The following DDX10 variants were observed in gnomAD, a reference collection of about 807,000 sequenced individuals.
DDX10 encodes probable ATP-dependent RNA helicase DDX10.
DDX10 carries 74 observed loss-of-function variants against 104.3 expected under a neutral mutation model. The ratio of observed to expected loss-of-function variants is 0.71; its 90% confidence interval spans 0.59 to 0.86. The LOEUF (loss-of-function observed/expected upper bound fraction) is 0.86. Ranked by LOEUF, DDX10 falls within the 40% of genes least tolerant of loss-of-function variation. The pLI is 0.00. For missense variants in DDX10, 952 were observed against 1,040.0 expected (o/e 0.92, Z 1.16); for synonymous variants, 351 against 353.4 (o/e 0.99, Z 0.08).
At chr11:108,673,285 G>A (rs547942322) in intron 1 of DDX10, among the ~76,000 whole-genome samples, 182 bp from the exon 2 acceptor site, 1 of 152,154 alleles carries the variant, frequency 6.6e-6, no homozygotes, top group Admixed American at 6.5e-5. Flanking sequence ...ATGTATATTC[G>A]ATTCAGGGAC....
At chr11:108,739,540 T>C (rs545198225) in intron 13 of DDX10, among the ~76,000 whole-genome samples, 2 of 152,358 alleles carry the variant, frequency 1.3e-5, no homozygotes, top group Non-Finnish European at 2.9e-5. Context: ...CAGGTTTGCC[T>C]GTCATTATAA....
At chr11:108,870,811 T>G (rs1458748411) in intron 16 of DDX10, among the ~76,000 whole-genome samples, 1 of 152,228 alleles carries the variant, frequency 6.6e-6, no homozygotes, top group African/African-American at 2.4e-5. Flanking sequence ...GACTTTGTTC[T>G]GTTCACTGCT....
chr11:108,696,994 A>G (rs961427917), intron 9 of DDX10, among the ~76,000 whole-genome samples: 36 of 152,194 alleles, frequency 2.4e-4, no homozygotes, highest in African/African-American at 8.7e-4. Flanking sequence ...CGTGGTGAAC[A>G]TTAAATTGGG....
intron 16 of DDX10, among the ~76,000 whole-genome samples, chr11:108,912,432 C>T (rs1863692738): frequency 6.6e-6 from 1 of 152,158 alleles, no homozygotes; most frequent in Non-Finnish European, 1.5e-5. Flanking sequence ...CCACTTCCTT[C>T]ATTAATTATT....
intron 16 of DDX10, among the ~76,000 whole-genome samples, chr11:108,882,644 A>G (rs1233279540): frequency 6.6e-6 from 1 of 152,222 alleles, no homozygotes; most frequent in Non-Finnish European, 1.5e-5. Flanking sequence ...ATATGTAAAT[A>G]GAGAGTCAAA....
intron 1 of DDX10, among the ~76,000 whole-genome samples, chr11:108,666,053 C>T (rs1271374282): frequency 6.6e-6 from 1 of 152,184 alleles, no homozygotes; most frequent in Non-Finnish European, 1.5e-5. Context: ...GACTTCTTCC[C>T]CCAACCTCCA....
intron 13 of DDX10, among the ~76,000 whole-genome samples, chr11:108,746,805 A>G (rs1403455183): frequency 6.6e-6 from 1 of 152,138 alleles, no homozygotes; most frequent in Non-Finnish European, 1.5e-5. Flanking sequence ...GATGATCAAT[A>G]AGGGCCTTAT....
At chr11:108,863,899 T>A (rs1862972841) in intron 16 of DDX10, among the ~76,000 whole-genome samples, 2 of 151,260 alleles carry the variant, frequency 1.3e-5, no homozygotes, top group Admixed American at 1.3e-4. Context: ...CATTCAGCCT[T>A]TATCATTTAC....
In DDX10 at chr11:108,911,624, G is replaced by C. The variant is rs567632890; in HGVS notation, c.2305-6249G>C. On this transcript the variant is annotated intron_variant, in intron 16 of 17. Coordinates refer to ENST00000322536, the MANE Select transcript of DDX10 (RefSeq NM_004398.4). ...TAGCTCTATCACCCACTGGCGTGCA[G>C]TGGCATGATCTTGGCTCACTGCAGC... Among the ~76,000 whole-genome samples, 10 of 123,510 alleles carry C rather than the reference G, an allele frequency of 8.1e-5. No homozygotes were observed. The South Asian group carries it at 2.8e-3, about 34-fold the overall frequency. 81.0% of individuals were successfully genotyped at this position (123,510 alleles called of 152,430 possible). A position where few individuals can be genotyped will look rare whatever the true frequency, so the allele number is the denominator to read the frequency against.
At chr11:108,755,888 A>C (rs1232165639) in intron 13 of DDX10, among the ~76,000 whole-genome samples, 1 of 152,000 alleles carries the variant, frequency 6.6e-6, no homozygotes, top group Non-Finnish European at 1.5e-5. Context: ...TTAATGCATA[A>C]CAGATGCTCA....
chr11:108,927,635 CT>C (rs147115643), intron 17 of DDX10, among the ~76,000 whole-genome samples: 3,803 of 146,504 alleles, frequency 0.026, 166 homozygotes, highest in African/African-American at 0.09. Flanking sequence ...GCACTTGGAA[CT>C]TTTTTTTTTT....
At chr11:108,920,942 ACCC>A (rs1863817516) in intron 17 of DDX10, 1 of 152,126 alleles carries the variant, frequency 6.6e-6, no homozygotes, top group South Asian at 2.1e-4. Flanking sequence ...ACTGGATTAG[ACCC>A]CAGATGGCAG....
At chr11:108,677,008 G>C in intron 3 of DDX10, 77 bp from the exon 4 acceptor site, 1 of 1,378,624 alleles carries the variant, frequency 7.3e-7, no homozygotes, top group Non-Finnish European at 9.9e-7. Context: ...CTTTGATTTG[G>C]AGGGGCAAGG....
At chr11:108,755,438 A>C (rs998552923) in intron 13 of DDX10, among the ~76,000 whole-genome samples, 2 of 152,016 alleles carry the variant, frequency 1.3e-5, no homozygotes, top group African/African-American at 4.8e-5. Flanking sequence ...CTGTGTTGTA[A>C]ATAAAGTTTT....
At chr11:108,803,786 G>A (rs1473294341) in intron 13 of DDX10, among the ~76,000 whole-genome samples, 1 of 152,076 alleles carries the variant, frequency 6.6e-6, no homozygotes, top group Non-Finnish European at 1.5e-5. Context: ...TTTTTAATGT[G>A]TTGGTTATAA....
intron 13 of DDX10, among the ~76,000 whole-genome samples, chr11:108,751,719 A>C (rs1331976089): frequency 6.6e-6 from 1 of 152,162 alleles, no homozygotes; most frequent in Non-Finnish European, 1.5e-5. Flanking sequence ...GTAGTTCGAT[A>C]ACCTAATAAC....
intron 13 of DDX10, among the ~76,000 whole-genome samples, chr11:108,792,912 AGTT>A (rs1293889615): frequency 6.6e-6 from 1 of 152,142 alleles, no homozygotes; most frequent in Non-Finnish European, 1.5e-5. Flanking sequence ...AGTGCTTATT[AGTT>A]GTTTTCATTG....
intron 13 of DDX10, among the ~76,000 whole-genome samples, chr11:108,772,801 A>T (rs1326519576): frequency 6.6e-6 from 1 of 152,156 alleles, no homozygotes; most frequent in Non-Finnish European, 1.5e-5. Flanking sequence ...CATGTGAGGG[A>T]TCTAGGTTGC....
rs529492823 is a variant in DDX10 at position 108,853,472 on chromosome 11, A to G, written c.2304+1263A>G. 2.0e-5 allele frequency among the ~76,000 whole-genome samples: 3 copies of G among 152,214 alleles called. No individual in the cohort carries two copies. The South Asian group carries it at 6.2e-4, about 32-fold the overall frequency. On this transcript the variant is annotated intron_variant, in intron 16 of 17. Transcript: ENST00000322536. ...TACTGTATTTCCTTTGTGTTTATTC[A>G]TGCATATTTGTATATATATTACTAA...
Sources: allele counts gnomAD v4.1 joint callset (sites outside exome capture counted in the v4.1 genomes callset), GRCh38; gene constraint gnomAD v4.1.1; transcripts MANE v1.5; gene names NCBI Gene and HGNC (gene_info 2026-07-23, HGNC 2026-07-21).